Variants in C10orf67 observed in about 807,000 individuals in gnomAD.
C10orf67 encodes the protein uncharacterized protein C10orf67, mitochondrial.
In C10orf67, 60 loss-of-function variants were observed where a neutral mutation model predicts 35.6. That is an observed-to-expected ratio of 1.68 (90% CI 1.37 to 2.09). The LOEUF (loss-of-function observed/expected upper bound fraction) is 2.09. Among genes scored for constraint, C10orf67 ranks in the 30% most tolerant of loss-of-function variants. C10orf67 has a pLI of 0.00. For missense variants in C10orf67, 474 were observed against 330.2 expected (o/e 1.44, Z -3.38); for synonymous variants, 167 against 115.8 (o/e 1.44, Z -2.84).
At position 23,267,254 on chromosome 10, in the gene C10orf67, T is replaced by A. The variant is rs1363653925; in HGVS notation, c.976A>T (p.Ile326Phe). The change falls in exon 9 of 16, where the codon ATT becomes TTT. Residue 326 changes from isoleucine to phenylalanine, a missense_variant and splice_region_variant. Physicochemically the swap from Ile to Phe is conservative, Grantham distance 21. Coordinates refer to ENST00000636213, the MANE Select transcript of C10orf67 (RefSeq NM_001371909.1). ...TCCTTGTCCTCTTTCTGTTTATTAA[T>A]CTGTAAAATTGAAGACCCATATCAT... ...HYEKSLVQDV[I>F]NKQKEDKEMR... 1 of 713,944 alleles carries A rather than the reference T, an allele frequency of 1.4e-6. No individual in the cohort carries two copies. The highest frequency in any genetic ancestry group is 2.6e-6 in the Non-Finnish European group (1 of 384,218). 44.2% of individuals were successfully genotyped at this position (713,944 alleles called of 1,614,324 possible).
chr10:23,296,004 TC>T (rs1159229774), intron 5 of C10orf67, among the ~76,000 whole-genome samples: 12 of 152,210 alleles, frequency 7.9e-5, no homozygotes, highest in African/African-American at 2.9e-4. Context: ...TGTGTTTGAT[TC>T]ATTATCTCTT....
rs544475392 is a variant in C10orf67, at chr10:23,222,356, T to G, written c.1570+1242A>C. Among the ~76,000 whole-genome samples the G allele has an allele frequency of 2.6e-5, 4 of 152,254 alleles. No individual in the cohort carries two copies. The East Asian group carries it at 7.7e-4, about 29-fold the overall frequency. On this transcript the variant is annotated intron_variant, in intron 15 of 15. Transcript: ENST00000636213. ...ATTTTTAGGGAATGGAACTCTATGG[T>G]TAATTAAACTTCCTAAATAAAATTG...
chr10:23,335,428 T>A (rs1845643510), intron 1 of C10orf67, among the ~76,000 whole-genome samples: 1 of 152,164 alleles, frequency 6.6e-6, no homozygotes, highest in Non-Finnish European at 1.5e-5. Flanking sequence ...AAAATAATAG[T>A]CCCCACTTCA....
intron 5 of C10orf67, among the ~76,000 whole-genome samples, chr10:23,291,552 C>T (rs1467414413): frequency 6.6e-6 from 1 of 152,154 alleles, no homozygotes. Flanking sequence ...CAGGTCAATT[C>T]ATTATGGAGG....
rs1841089678 is a variant in C10orf67, at chr10:23,204,047, A to G, written c.*126T>C. ...GTGCTGGTTAATATACATAATCTGG[A>G]GAGATTAAACAATTAGTTTAGAAAA... is the stretch of plus-strand genomic sequence containing the variant. On this transcript the variant is annotated 3_prime_UTR_variant, in exon 16 of 16. Coordinates refer to ENST00000636213, the MANE Select transcript of C10orf67 (RefSeq NM_001371909.1). 1 of 423,132 alleles carries G rather than the reference A, an allele frequency of 2.4e-6. No homozygotes were observed. Among genetic ancestry groups the G allele is most frequent in the Non-Finnish European group, 4.3e-6 (1 of 233,964 alleles). The allele number at this position is 423,132 out of a possible 1,614,324, so 26.2% of individuals were successfully genotyped here. A position where few individuals can be genotyped will look rare whatever the true frequency, so the allele number is the denominator to read the frequency against.
At chr10:23,202,694 G>T (rs1248196711), downstream of C10orf67, 1 of 152,088 alleles carries the variant, frequency 6.6e-6, no homozygotes, top group Non-Finnish European at 1.5e-5. Context: ...ATACATCCAG[G>T]GTTCTGTGGA....
At chr10:23,262,222 C>G (rs755280814) in intron 10 of C10orf67, among the ~76,000 whole-genome samples, 1 of 152,058 alleles carries the variant, frequency 6.6e-6, no homozygotes, top group Non-Finnish European at 1.5e-5. Context: ...GGGAAAAGAC[C>G]CACGTCTGGG....
chr10:23,270,527 C>A (rs559314731), intron 8 of C10orf67, among the ~76,000 whole-genome samples: 79 of 152,358 alleles, frequency 5.2e-4, no homozygotes, highest in African/African-American at 1.9e-3. Flanking sequence ...GGTGGCAGAT[C>A]TGTCTGTACC....
rs137983793 is a variant in C10orf67, at chr10:23,323,894, AAT to A, written c.328-1359_328-1358del. Among the ~76,000 whole-genome samples the A allele has an allele frequency of 5.0e-3, 214 of 42,686 alleles. 2 individuals are homozygous for A. Among genetic ancestry groups the A allele is most frequent in the Non-Finnish European group, 7.0e-3 (119 of 16,888 alleles). The allele number at this position is 42,686 out of a possible 152,430, so 28.0% of individuals were successfully genotyped here. Reference sequence around the variant, plus strand: ...GGGCAGCAGAGCAAGACTCCGTCTAAATATATATATATATATATATATATATA... The same window carrying A: ...GGGCAGCAGAGCAAGACTCCGTCTAAATATATATATATATATATATATATA... On this transcript the variant is annotated intron_variant, in intron 2 of 15. Coordinates refer to ENST00000636213, the MANE Select transcript of C10orf67 (RefSeq NM_001371909.1).
At chr10:23,209,843 T>A (rs1422160750) in intron 15 of C10orf67, among the ~76,000 whole-genome samples, 9 of 151,254 alleles carry the variant, frequency 6.0e-5, no homozygotes. Context: ...CTACCAAAAA[T>A]ACAAAAACTT....
At chr10:23,263,425 G>A (rs994230166) in intron 10 of C10orf67, among the ~76,000 whole-genome samples, 1 of 152,018 alleles carries the variant, frequency 6.6e-6, no homozygotes, top group African/African-American at 2.4e-5. Flanking sequence ...CTTGCAAGGT[G>A]ACTATGGTCA....
intron 10 of C10orf67, among the ~76,000 whole-genome samples, chr10:23,253,548 A>G (rs1842518770): frequency 6.6e-6 from 1 of 152,202 alleles, no homozygotes; most frequent in African/African-American, 2.4e-5. Flanking sequence ...AAAAAAATTA[A>G]TCCCCAGAAA....
At chr10:23,235,705 A>G (rs1467287030) in intron 13 of C10orf67, among the ~76,000 whole-genome samples, 1 of 152,260 alleles carries the variant, frequency 6.6e-6, no homozygotes, top group African/African-American at 2.4e-5. Context: ...AGATCCTTCA[A>G]AAAAGAAGAC....
At chr10:23,254,592 TAAGA>T (rs1308598313) in intron 10 of C10orf67, among the ~76,000 whole-genome samples, 1 of 152,168 alleles carries the variant, frequency 6.6e-6, no homozygotes, top group African/African-American at 2.4e-5. Flanking sequence ...TTCACAAAAT[TAAGA>T]AATAAAGGTT....
At chr10:23,206,322 A>AC (rs995928641) in intron 15 of C10orf67, among the ~76,000 whole-genome samples, 1 of 152,238 alleles carries the variant, frequency 6.6e-6, no homozygotes, top group African/African-American at 2.4e-5. Context: ...AAAAAGTAAT[A>AC]CTTGAGGGAA....
At chr10:23,320,163 T>C (rs1844889399) in intron 4 of C10orf67, among the ~76,000 whole-genome samples, 1 of 152,188 alleles carries the variant, frequency 6.6e-6, no homozygotes, top group Non-Finnish European at 1.5e-5. Flanking sequence ...TTGAGTGCTA[T>C]GATAAGAAAC....
intron 4 of C10orf67, among the ~76,000 whole-genome samples, chr10:23,312,457 T>C (rs1215704130): frequency 6.6e-6 from 1 of 152,292 alleles, no homozygotes; most frequent in South Asian, 2.1e-4. Flanking sequence ...CTTCTTCCAT[T>C]TTCCCTGTCC....
chr10:23,325,542 AAAAAC>A (rs1267268238), intron 2 of C10orf67, among the ~76,000 whole-genome samples: 3 of 144,870 alleles, frequency 2.1e-5, no homozygotes, highest in Non-Finnish European at 4.5e-5. Flanking sequence ...CAAAAAAAAA[AAAAAC>A]AAAAAACAAA....
chr10:23,276,836 G>A (rs996547509), intron 8 of C10orf67, among the ~76,000 whole-genome samples: 2 of 152,140 alleles, frequency 1.3e-5, no homozygotes, highest in African/African-American at 4.8e-5. Context: ...TTATATTTAT[G>A]TAAATGTATT....
Sources: gnomAD v4.1 joint callset for allele counts (sites outside exome capture counted in the v4.1 genomes callset) on GRCh38, gnomAD v4.1.1 for gene constraint, MANE v1.5 for transcripts, NCBI Gene and HGNC (gene_info 2026-07-23, HGNC 2026-07-21) for gene names.